FLACC1: variants seen among roughly 807,000 people sequenced by gnomAD.
FLACC1 encodes flagellum associated containing coiled-coil domains 1.
FLACC1 carries 66 observed loss-of-function variants against 62.8 expected under a neutral mutation model. The ratio of observed to expected loss-of-function variants is 1.05; its 90% CI spans 0.86 to 1.29. The LOEUF (loss-of-function observed/expected upper bound fraction) is 1.29. Among genes scored for constraint, FLACC1 ranks in the 50% most tolerant of loss-of-function variants. The pLI, the probability that FLACC1 is intolerant of heterozygous loss-of-function variation, is 0.00. For synonymous variants in FLACC1, 156 were observed against 161.0 expected (o/e 0.97, Z 0.24); for missense variants, 452 against 489.1 (o/e 0.92, Z 0.71).
chr2:201,341,410 T>TAA (rs1491024148), intron 7 of FLACC1, among the ~76,000 whole-genome samples: 1 of 144,586 alleles, frequency 6.9e-6, no homozygotes, highest in Non-Finnish European at 1.5e-5. Context: ...TATATATATA[T>TAA]AAATCATATA....
chr2:201,345,935 C>A (rs973444852), intron 5 of FLACC1, among the ~76,000 whole-genome samples: 1 of 152,102 alleles, frequency 6.6e-6, no homozygotes, highest in African/African-American at 2.4e-5. Context: ...GAGGCTGAGG[C>A]CAGAGGATTA....
chr2:201,306,029 C>T (rs369349729), intron 11 of FLACC1, among the ~76,000 whole-genome samples: 11 of 151,164 alleles, frequency 7.3e-5, no homozygotes, highest in African/African-American at 2.2e-4. Context: ...CACATGTATA[C>T]ATATTTAACA....
intron 9 of FLACC1, among the ~76,000 whole-genome samples, chr2:201,324,770 C>T (rs1487615302): frequency 2.6e-5 from 4 of 152,078 alleles, no homozygotes; most frequent in Non-Finnish European, 5.9e-5. Context: ...CTGGGGTAAA[C>T]AGTGAAATCA....
intron 12 of FLACC1, among the ~76,000 whole-genome samples, chr2:201,293,046 G>A (rs1949774537): frequency 6.6e-6 from 1 of 152,106 alleles, no homozygotes; most frequent in Non-Finnish European, 1.5e-5. Flanking sequence ...CCTACAAAAA[G>A]ACTTAGACTC....
intron 1 of FLACC1, among the ~76,000 whole-genome samples, chr2:201,356,489 C>T (rs1401731938): frequency 6.6e-6 from 1 of 151,898 alleles, no homozygotes; most frequent in Non-Finnish European, 1.5e-5. Context: ...ATTTCAGTAG[C>T]TAAAATCAGC....
intron 1 of FLACC1, among the ~76,000 whole-genome samples, chr2:201,355,053 G>A (rs1008361700): frequency 6.6e-6 from 1 of 152,352 alleles, no homozygotes; most frequent in East Asian, 1.9e-4. Context: ...GGGAGGCCAA[G>A]GCGAGAGGAT....
rs991056299 is a variant in FLACC1, at chr2:201,330,666, C to G, written c.622+70G>C. 3.8e-6 allele frequency: 6 copies of G among 1,570,188 alleles called. No homozygotes were observed. The African/African-American group carries it at 5.4e-5, about 14-fold the overall frequency. ...ACCTTTGTGTGCCTTGGAAATCACC[C>G]TAGAAGCTTATTAGAAATGCCATTG... is the stretch of plus-strand genomic sequence containing the variant. On this transcript the variant is annotated intron_variant, in intron 8 of 14. Coordinates refer to ENST00000392257, the MANE Select transcript of FLACC1 (RefSeq NM_001127391.3).
At chr2:201,289,414 C>G (rs753317086) in intron 14 of FLACC1, 43 bp downstream of exon 14, 1 of 1,583,108 alleles carries the variant, frequency 6.3e-7, no homozygotes, top group South Asian at 1.1e-5. Flanking sequence ...CCTTCCCACT[C>G]CTAAAGAGAA....
At position 201,299,386 on chromosome 2, in the gene FLACC1, G is replaced by A. The variant is rs983874712; in HGVS notation, c.880-86C>T. ...TTAAGAAAGCCAGACTAGGATTCAG[G>A]AATATAATATTCACCAAAGCTTAGA... On this transcript the variant is annotated intron_variant, in intron 11 of 14. Coordinates refer to ENST00000392257, the MANE Select transcript of FLACC1 (RefSeq NM_001127391.3). The A allele has an allele frequency of 2.8e-6, 3 of 1,059,218 alleles. No individual in the cohort carries two copies. The Admixed American group carries it at 6.0e-5, about 21-fold the overall frequency. 65.6% of individuals were successfully genotyped at this position (1,059,218 alleles called of 1,614,324 possible).
At chr2:201,298,082 A>G (rs1019963462) in intron 12 of FLACC1, among the ~76,000 whole-genome samples, 1 of 152,172 alleles carries the variant, frequency 6.6e-6, no homozygotes, top group Non-Finnish European at 1.5e-5. Context: ...GGAAGGAAAC[A>G]TCAGCAAGGA....
At chr2:201,290,695 T>G (rs1381379070) in intron 12 of FLACC1, among the ~76,000 whole-genome samples, 1 of 152,034 alleles carries the variant, frequency 6.6e-6, no homozygotes, top group African/African-American at 2.4e-5. Context: ...GTACAGTGGG[T>G]GCAGTGCACT....
chr2:201,348,575 G>A (rs1950963769), intron 3 of FLACC1, among the ~76,000 whole-genome samples: 1 of 152,070 alleles, frequency 6.6e-6, no homozygotes. Context: ...ACCAGCTAGA[G>A]GGACCCCTAC....
chr2:201,305,934 T>C (rs1234752810), intron 11 of FLACC1, among the ~76,000 whole-genome samples: 1 of 109,046 alleles, frequency 9.2e-6, no homozygotes, highest in Non-Finnish European at 2.0e-5. Context: ...GGGCCAGTTG[T>C]GGGGTGGGGG....
In FLACC1 at chr2:201,317,309, C is replaced by T. The variant is rs371751076; in HGVS notation, c.676-8059G>A. 1.5e-3 allele frequency among the ~76,000 whole-genome samples: 223 copies of T among 152,224 alleles called. 1 individual carries two copies. Among genetic ancestry groups the T allele is most frequent in the African/African-American group, 5.1e-3 (211 of 41,550 alleles). Reference sequence around the variant, plus strand: ...GTATACCTACAAAACCCTAAAGATTCCTCCAAAAAGCTCCTAGAACTGATA... The same window carrying T: ...GTATACCTACAAAACCCTAAAGATTTCTCCAAAAAGCTCCTAGAACTGATA... On this transcript the variant is annotated intron_variant, in intron 9 of 14. Coordinates refer to ENST00000392257, the MANE Select transcript of FLACC1 (RefSeq NM_001127391.3).
chr2:201,340,812 C>A (rs1950792790), intron 7 of FLACC1, among the ~76,000 whole-genome samples: 1 of 152,176 alleles, frequency 6.6e-6, no homozygotes, highest in South Asian at 2.1e-4. Context: ...TGGTAATGAA[C>A]TCCCTTAATT....
intron 3 of FLACC1, 72 bp from the exon 4 acceptor site, chr2:201,348,374 T>C (rs571471079): frequency 3.3e-6 from 5 of 1,496,044 alleles, no homozygotes; most frequent in East Asian, 4.6e-5. Flanking sequence ...AGCTGAACCC[T>C]GAGGCCGCCA....
At chr2:201,302,820 C>G (rs1405462622) in intron 11 of FLACC1, among the ~76,000 whole-genome samples, 1 of 152,170 alleles carries the variant, frequency 6.6e-6, no homozygotes, top group Non-Finnish European at 1.5e-5. Context: ...AAACCTGCTC[C>G]TGAATGACTA....
chr2:201,318,996 A>G (rs1950352080), intron 9 of FLACC1, among the ~76,000 whole-genome samples: 1 of 152,206 alleles, frequency 6.6e-6, no homozygotes, highest in South Asian at 2.1e-4. Flanking sequence ...AGTGCAGTGT[A>G]TACTGCTCGG....
At chr2:201,322,828 A>C (rs1458801216) in intron 9 of FLACC1, among the ~76,000 whole-genome samples, 1 of 152,142 alleles carries the variant, frequency 6.6e-6, no homozygotes, top group African/African-American at 2.4e-5. Context: ...GAAAACTATT[A>C]TAAATTTAAA....
Sources: gnomAD v4.1 joint callset for allele counts (sites outside exome capture counted in the v4.1 genomes callset) on GRCh38, gnomAD v4.1.1 for gene constraint, MANE v1.5 for transcripts, NCBI Gene and HGNC (gene_info 2026-07-23, HGNC 2026-07-21) for gene names.